Variants in SYTL5 observed in about 807,000 individuals in gnomAD.
The protein encoded by SYTL5 is synaptotagmin-like protein 5.
Under a neutral mutation model 55.9 loss-of-function variants are expected in SYTL5, and 34 were observed. The observed-to-expected ratio is 0.61, with a 90% CI of 0.46 to 0.81. SYTL5 has a LOEUF of 0.81. Among genes scored for constraint, SYTL5 ranks in the 30% least tolerant of loss-of-function variants. SYTL5 has a pLI of 0.00. For synonymous variants in SYTL5, 221 were observed against 188.7 expected (o/e 1.17, Z -1.40); for missense variants, 637 against 546.7 (o/e 1.17, Z -1.65).
chrX:37,968,623 C>A, the SYTL5 span, among the ~76,000 whole-genome samples: 1 of 111,537 alleles, frequency 9.0e-6, no homozygotes, highest in Non-Finnish European at 1.9e-5. Context: ...ACATGGCTTG[C>A]GTATGAAATA....
the SYTL5 span, among the ~76,000 whole-genome samples, chrX:37,985,999 A>G: frequency 3.6e-5 from 4 of 111,539 alleles, no homozygotes; most frequent in Non-Finnish European, 7.5e-5. Flanking sequence ...GACTATATAA[A>G]AAAATTAACT....
At chrX:38,045,720 A>C (rs1249179704) in intron 2 of SYTL5, among the ~76,000 whole-genome samples, 1 of 112,425 alleles carries the variant, frequency 8.9e-6, no homozygotes, top group Admixed American at 9.4e-5. Context: ...CTTTTTATCC[A>C]GGCATAACTT....
At chrX:38,087,781 G>A (rs866637240) in intron 6 of SYTL5, among the ~76,000 whole-genome samples, 8 of 111,433 alleles carry the variant, frequency 7.2e-5, no homozygotes, top group Admixed American at 4.8e-4. Flanking sequence ...TTAGTGAAAT[G>A]ATGAGTAAGC....
chrX:38,059,796 T>G (rs1374015852), intron 3 of SYTL5, among the ~76,000 whole-genome samples: 2 of 111,774 alleles, frequency 1.8e-5, no homozygotes. Flanking sequence ...AGAAGAAAAT[T>G]GAATTTTAAC....
chrX:38,034,292 C>T (rs1337721358), intron 2 of SYTL5, among the ~76,000 whole-genome samples: 1 of 112,368 alleles, frequency 8.9e-6, no homozygotes, highest in Non-Finnish European at 1.9e-5. Flanking sequence ...AGTTTGAGTA[C>T]CAGCTCTGGC....
At chrX:38,054,162 C>T (rs1569169735) in intron 2 of SYTL5, 51 bp from the exon 3 acceptor site, 1 of 938,694 alleles carries the variant, frequency 1.1e-6, no homozygotes, top group Non-Finnish European at 1.5e-6. Context: ...TTGTAGATAT[C>T]TCTGCTCCTG....
At chrX:38,052,447 G>A (rs777801570) in intron 2 of SYTL5, among the ~76,000 whole-genome samples, 2 of 111,861 alleles carry the variant, frequency 1.8e-5, no homozygotes, top group African/African-American at 3.3e-5. Flanking sequence ...GAGACATGAA[G>A]TCAAAGATTT....
At chrX:38,002,878 C>T (rs1183013175), upstream of SYTL5, among the ~76,000 whole-genome samples, 4 of 111,611 alleles carry the variant, frequency 3.6e-5, no homozygotes, top group Non-Finnish European at 1.9e-5. Flanking sequence ...TTAATGAGAT[C>T]CCATTTGTCA....
chrX:37,976,799 C>CAAAAA, the SYTL5 span, among the ~76,000 whole-genome samples: 1 of 47,161 alleles, frequency 2.1e-5, no homozygotes, highest in Non-Finnish European at 5.2e-5. Flanking sequence ...ACTAAAAATA[C>CAAAAA]AAAAAAAAAA....
At chrX:38,079,044 T>C (rs1936462540) in intron 6 of SYTL5, among the ~76,000 whole-genome samples, 1 of 112,102 alleles carries the variant, frequency 8.9e-6, no homozygotes. Context: ...GACTCATTAA[T>C]GGACTGCCAC....
intron 1 of SYTL5, among the ~76,000 whole-genome samples, chrX:38,019,927 G>A (rs1934489936): frequency 8.9e-6 from 1 of 111,994 alleles, no homozygotes; most frequent in African/African-American, 3.2e-5. Context: ...GAGCCACAAT[G>A]CCTGGCCCAA....
Sources: allele counts gnomAD v4.1 joint callset (sites outside exome capture counted in the v4.1 genomes callset), GRCh38; gene constraint gnomAD v4.1.1; transcripts MANE v1.5; gene names NCBI Gene and HGNC (gene_info 2026-07-23, HGNC 2026-07-21).